The following RB1 variants were observed in gnomAD, a reference collection of about 807,000 sequenced individuals.
RB1 encodes retinoblastoma-associated protein.
Under a neutral mutation model 135.4 loss-of-function variants are expected in RB1, and 18 were observed. The ratio of observed to expected loss-of-function variants is 0.13; its 90% CI spans 0.09 to 0.20. The LOEUF is 0.20. Ranked by LOEUF, RB1 falls within the 10% of genes least tolerant of loss-of-function variation. The probability of loss-of-function intolerance (pLI) is 1.00; values close to 1 mark genes in which losing one functional copy is unlikely to be tolerated. For missense variants in RB1, 868 were observed against 1,110.0 expected, an observed-to-expected ratio of 0.78 and a Z score of 3.10; for synonymous variants, 365 against 373.2, an observed-to-expected ratio of 0.98 and a Z score of 0.25.
At chr13:48,400,852 A>T (rs907517223) in intron 17 of RB1, among the ~76,000 whole-genome samples, 1 of 152,150 alleles carries the variant, frequency 6.6e-6, no homozygotes, top group Non-Finnish European at 1.5e-5. Flanking sequence ...TGATTTCATA[A>T]GAACAGAGAA....
chr13:48,316,998 A>G, intron 2 of RB1: 2 of 493,832 alleles, frequency 4.0e-6, no homozygotes, highest in Non-Finnish European at 3.6e-6. Flanking sequence ...TCAATACCTC[A>G]GGTCTAAAAT....
In RB1 at chr13:48,480,857, A is replaced by G. The variant is rs965494313; in HGVS notation, c.*786A>G. 5 of 227,644 alleles carry G rather than the reference A, an allele frequency of 2.2e-5. No homozygotes were observed. Among genetic ancestry groups the G allele is most frequent in the Non-Finnish European group, 4.4e-5 (5 of 114,338 alleles). 14.1% of individuals were successfully genotyped at this position (227,644 alleles called of 1,614,324 possible). On this transcript the variant is annotated 3_prime_UTR_variant, in exon 27 of 27. Coordinates refer to ENST00000267163, the MANE Select transcript of RB1 (RefSeq NM_000321.3). ...TACTCTTGGTTTTTATACCATTCAG[A>G]TCACTGAATTTATAAAGTACCCATC...
intron 2 of RB1, among the ~76,000 whole-genome samples, chr13:48,332,745 T>G (rs1952348642): frequency 6.6e-6 from 1 of 152,206 alleles, no homozygotes; most frequent in African/African-American, 2.4e-5. Flanking sequence ...AAGTGATAGA[T>G]ATGTTAATTA....
intron 2 of RB1, among the ~76,000 whole-genome samples, chr13:48,334,441 C>T (rs925121956): frequency 6.6e-6 from 1 of 152,154 alleles, no homozygotes; most frequent in Non-Finnish European, 1.5e-5. Flanking sequence ...GTTCTTCCCC[C>T]TATTTCTCTG....
intron 17 of RB1, among the ~76,000 whole-genome samples, chr13:48,443,632 A>G (rs1272330777): frequency 1.3e-5 from 2 of 152,192 alleles, no homozygotes; most frequent in Admixed American, 6.5e-5. Flanking sequence ...ACATCATTCT[A>G]TTTTGCCAGT....
chr13:48,337,310 G>A (rs140425547), intron 2 of RB1, among the ~76,000 whole-genome samples: 3,992 of 152,254 alleles, frequency 0.026, 196 homozygotes, highest in African/African-American at 0.092. Context: ...TTGTGTGAGA[G>A]TCTAAGTCTC....
intron 26 of RB1, among the ~76,000 whole-genome samples, chr13:48,478,677 C>G (rs1401854934): frequency 6.6e-6 from 1 of 152,152 alleles, no homozygotes; most frequent in African/African-American, 2.4e-5. Flanking sequence ...AAAATTGTGA[C>G]AAAGCAGGCA....
intron 17 of RB1, among the ~76,000 whole-genome samples, chr13:48,403,427 A>T (rs1047676172): frequency 6.6e-6 from 1 of 152,090 alleles, no homozygotes; most frequent in Non-Finnish European, 1.5e-5. Context: ...GGAGGAGTTG[A>T]TTCATTTTTT....
Position 48,319,425 on chromosome 13 carries a change from T to C in RB1, c.264+12019T>C. 1 of 370,412 alleles carries C rather than the reference T, an allele frequency of 2.7e-6. No homozygotes were observed. The highest frequency in any genetic ancestry group is 5.1e-6 in the Non-Finnish European group (1 of 197,022). 22.9% of individuals were successfully genotyped at this position (370,412 alleles called of 1,614,324 possible). On this transcript the variant is annotated intron_variant, in intron 2 of 26. Coordinates refer to ENST00000267163, the MANE Select transcript of RB1 (RefSeq NM_000321.3). The surrounding 1 kb of genome is among the most constrained non-coding windows in gnomAD (Gnocchi z 5.0). ...GCTGGAGTCTGACGCCTCGGGCGCC[T>C]GCGCCGCACTTGTGACTTGCTTTCC...
chr13:48,459,886 A>ATTTCTTTCTTTTCTTTTCT (rs11405303), intron 20 of RB1, 53 bp downstream of exon 20: 1 of 987,274 alleles, frequency 1.0e-6, no homozygotes, highest in African/African-American at 2.6e-5. Context: ...TTGTTAACTG[A>ATTTCTTTCTTTTCTTTTCT]TTCTTTCTTT....
rs1397517825 is a variant in RB1 at position 48,377,557 on chromosome 13, G to T, written c.1332+523G>T. Among the ~76,000 whole-genome samples, 4 of 152,038 alleles carry T rather than the reference G, an allele frequency of 2.6e-5. No homozygotes were observed. The East Asian group carries it at 7.7e-4, about 29-fold the overall frequency. On this transcript the variant is annotated intron_variant, in intron 13 of 26. Coordinates refer to ENST00000267163, the MANE Select transcript of RB1 (RefSeq NM_000321.3). Reference sequence around the variant, plus strand: ...TCTCTGAGATTCAGGTTCTATATTTGCTCTGCTTTGTTGTGTGGCATTAAT... The same window carrying T: ...TCTCTGAGATTCAGGTTCTATATTTTCTCTGCTTTGTTGTGTGGCATTAAT...
intron 17 of RB1, among the ~76,000 whole-genome samples, chr13:48,446,482 A>T (rs993540386): frequency 6.6e-5 from 10 of 152,242 alleles, no homozygotes; most frequent in Non-Finnish European, 1.3e-4. Context: ...ATAATAAATA[A>T]GAAAATAAAT....
At chr13:48,388,695 G>A (rs997456134) in intron 17 of RB1, among the ~76,000 whole-genome samples, 1 of 152,162 alleles carries the variant, frequency 6.6e-6, no homozygotes, top group South Asian at 2.1e-4. Context: ...TTGGAGAAGG[G>A]ATAAGATCAC....
intron 17 of RB1, among the ~76,000 whole-genome samples, chr13:48,428,983 C>A (rs1467137432): frequency 6.6e-6 from 1 of 152,168 alleles, no homozygotes; most frequent in Non-Finnish European, 1.5e-5. Flanking sequence ...CTCCTGGAAG[C>A]TGCATGCTTG....
intron 17 of RB1, among the ~76,000 whole-genome samples, chr13:48,437,101 C>T (rs1250460394): frequency 1.3e-5 from 2 of 152,152 alleles, no homozygotes. Context: ...CTTATAGCTT[C>T]TACTTTTTCT....
intron 2 of RB1, among the ~76,000 whole-genome samples, chr13:48,311,808 C>A (rs777660533): frequency 4.5e-4 from 68 of 152,284 alleles, no homozygotes; most frequent in Non-Finnish European, 4.7e-4. Flanking sequence ...CGGGTCCAAG[C>A]GATTCTCCTG....
intron 2 of RB1, chr13:48,328,619 A>T: frequency 1.7e-6 from 1 of 598,470 alleles, no homozygotes; most frequent in African/African-American, 1.9e-5. Flanking sequence ...ACAAGTTGGG[A>T]TATAAATAAT....
intron 17 of RB1, among the ~76,000 whole-genome samples, chr13:48,410,742 A>G (rs951950048): frequency 1.2e-4 from 19 of 152,166 alleles, no homozygotes; most frequent in African/African-American, 4.6e-4. Flanking sequence ...TAGTAACTTC[A>G]AAGCATACCA....
chr13:48,317,887 C>T (rs1053905224), intron 2 of RB1: 2 of 401,250 alleles, frequency 5.0e-6, no homozygotes, highest in African/African-American at 2.0e-5. Context: ...GAATGAGCCC[C>T]ATTTCCCGAG....
Sources: gnomAD v4.1 joint callset for allele counts (sites outside exome capture counted in the v4.1 genomes callset) on GRCh38, gnomAD v4.1.1 for gene constraint, Gnocchi (gnomAD v3.1) non-coding constraint, MANE v1.5 for transcripts, NCBI Gene and HGNC (gene_info 2026-07-23, HGNC 2026-07-21) for gene names.